Variants in ACTR3 observed in about 807,000 individuals in gnomAD.
ACTR3 encodes actin related protein 3, also known as actin-related protein 3.
ACTR3 carries 12 observed loss-of-function variants against 56.8 expected under a neutral mutation model. The observed-to-expected ratio is 0.21, with a 90% CI of 0.14 to 0.34. The LOEUF (loss-of-function observed/expected upper bound fraction) is 0.34, where lower values mean the gene tolerates loss of function less well. Among genes scored for constraint, ACTR3 ranks in the 10% least tolerant of loss-of-function variants. ACTR3 has a pLI of 1.00. For missense variants in ACTR3, 282 were observed against 512.5 expected (o/e 0.55, Z 4.34); for synonymous variants, 162 against 167.4 (o/e 0.97, Z 0.25).
At chr2:113,946,507 C>A (rs1680023285) in intron 8 of ACTR3, among the ~76,000 whole-genome samples, 1 of 151,932 alleles carries the variant, frequency 6.6e-6, no homozygotes, top group African/African-American at 2.4e-5. Flanking sequence ...ACATATATGT[C>A]TTCTTTTGAA....
intron 8 of ACTR3, among the ~76,000 whole-genome samples, chr2:113,944,767 A>C (rs1248096591): frequency 6.6e-6 from 1 of 152,036 alleles, no homozygotes; most frequent in African/African-American, 2.4e-5. Context: ...ATTTCAAAAA[A>C]AATTGAGGGC....
chr2:113,946,917 GTTTC>G (rs1201226224), intron 8 of ACTR3, among the ~76,000 whole-genome samples: 3 of 152,202 alleles, frequency 2.0e-5, no homozygotes, highest in Non-Finnish European at 2.9e-5. Flanking sequence ...GATTTTAACA[GTTTC>G]TTTTCCAAAC....
At chr2:113,949,720 G>T (rs958122152) in intron 8 of ACTR3, among the ~76,000 whole-genome samples, 3 of 151,970 alleles carry the variant, frequency 2.0e-5, no homozygotes, top group Non-Finnish European at 2.9e-5. Context: ...GTGCCACCAT[G>T]CCTAGCTAGT....
At chr2:113,922,607 T>G (rs1574365177) in intron 3 of ACTR3, among the ~76,000 whole-genome samples, 1 of 144,712 alleles carries the variant, frequency 6.9e-6, no homozygotes. Context: ...CAAGGTTAGG[T>G]CCATTTGAGA....
chr2:113,933,143 CAT>C (rs1679754111), intron 5 of ACTR3, among the ~76,000 whole-genome samples: 1 of 152,108 alleles, frequency 6.6e-6, no homozygotes, highest in African/African-American at 2.4e-5. Context: ...ATAATTAAAT[CAT>C]AGTAGTATTT....
chr2:113,945,528 A>G (rs1680000318), intron 8 of ACTR3, among the ~76,000 whole-genome samples: 1 of 152,222 alleles, frequency 6.6e-6, no homozygotes, highest in Admixed American at 6.5e-5. Flanking sequence ...TGTAATATTT[A>G]TAGTATTATA....
intron 3 of ACTR3, among the ~76,000 whole-genome samples, chr2:113,917,239 T>G (rs1048161602): frequency 6.6e-6 from 1 of 152,188 alleles, no homozygotes; most frequent in African/African-American, 2.4e-5. Context: ...CAGTATTTAT[T>G]TTTCCACACC....
intron 1 of ACTR3, among the ~76,000 whole-genome samples, chr2:113,899,432 G>C (rs1460653123): frequency 1.3e-5 from 2 of 152,158 alleles, no homozygotes; most frequent in Non-Finnish European, 2.9e-5. Context: ...TCTCAGTTCT[G>C]TGCTGAACAC....
intron 3 of ACTR3, among the ~76,000 whole-genome samples, chr2:113,922,686 G>A (rs1679533283): frequency 6.6e-6 from 1 of 152,188 alleles, no homozygotes; most frequent in Non-Finnish European, 1.5e-5. Context: ...TCAGCATTCT[G>A]GATATAGGCA....
intron 1 of ACTR3, among the ~76,000 whole-genome samples, chr2:113,903,879 CAG>C (rs1679146334): frequency 6.7e-6 from 1 of 149,542 alleles, no homozygotes. Flanking sequence ...TTTTTTGAGA[CAG>C]AGTCTTACTC....
chr2:113,955,601 A>G lies in ACTR3; in HGVS notation c.1078-22A>G, dbSNP rs774782350. The stretch of plus-strand genomic sequence containing the variant: ...GTTATTTGAATTTACTATGAAGATG[A>G]TCATACTATGTCTTTCTTTAGCCAA... On this transcript the variant is annotated intron_variant, in intron 10 of 11. Transcript: ENST00000263238. 20 of 1,535,710 alleles carry G rather than the reference A, an allele frequency of 1.3e-5. No individual in the cohort carries two copies. The Admixed American group carries it at 3.4e-4, about 26-fold the overall frequency.
chr2:113,889,972 C>T (rs1175319458), upstream of ACTR3: 2 of 523,564 alleles, frequency 3.8e-6, no homozygotes, highest in Non-Finnish European at 6.7e-6. Context: ...CTTGGCTTCC[C>T]GGGGAAAGGC....
upstream of ACTR3, chr2:113,890,029 G>A: frequency 1.7e-6 from 1 of 586,204 alleles, no homozygotes; most frequent in South Asian, 1.9e-5. Context: ...GTGAGGAGGA[G>A]GGAAGAGAGA....
chr2:113,946,421 G>A (rs1049578952), intron 8 of ACTR3, among the ~76,000 whole-genome samples: 1 of 151,952 alleles, frequency 6.6e-6, no homozygotes, highest in African/African-American at 2.4e-5. Context: ...GTATGAGATG[G>A]TATCTCATTG....
intron 4 of ACTR3, 27 bp downstream of exon 4, chr2:113,927,482 A>C: frequency 6.7e-7 from 1 of 1,494,972 alleles, no homozygotes; most frequent in Non-Finnish European, 9.2e-7. Flanking sequence ...AATTTCACTG[A>C]GGAAATTTTT....
chr2:113,936,376 T>G (rs984222176), intron 6 of ACTR3, among the ~76,000 whole-genome samples: 1 of 152,050 alleles, frequency 6.6e-6, no homozygotes, highest in African/African-American at 2.4e-5. Context: ...CCCGCCTTCT[T>G]TAGAATTAGT....
In ACTR3 at chr2:113,961,929, A is replaced by G. The variant is rs1050817832; in HGVS notation, c.*4474A>G. ...AATTTTTACCTAAGTGTTACATCCAACAACAGATGAAAGTAATTCGACAGT... is the reference window on the plus strand; with the variant it reads ...AATTTTTACCTAAGTGTTACATCCAGCAACAGATGAAAGTAATTCGACAGT... On this transcript the variant is annotated 3_prime_UTR_variant, in exon 12 of 12. Transcript: ENST00000263238. 3 of 152,026 alleles carry G rather than the reference A, an allele frequency of 2.0e-5. No individual in the cohort carries two copies. Among genetic ancestry groups the G allele is most frequent in the African/African-American group, 7.2e-5 (3 of 41,446 alleles). 9.4% of individuals were successfully genotyped at this position (152,026 alleles called of 1,614,324 possible).
chr2:113,942,458 C>A, intron 8 of ACTR3, 99 bp downstream of exon 8: 1 of 755,830 alleles, frequency 1.3e-6, no homozygotes, highest in Non-Finnish European at 1.9e-6. Flanking sequence ...TATTAGTACA[C>A]TAAAAGTTTG....
intron 1 of ACTR3, among the ~76,000 whole-genome samples, chr2:113,896,016 G>C (rs941555664): frequency 1.3e-5 from 2 of 152,052 alleles, no homozygotes; most frequent in Non-Finnish European, 2.9e-5. Flanking sequence ...ATGCCACCAT[G>C]TGTGGCTACT....
Sources: allele counts gnomAD v4.1 joint callset (sites outside exome capture counted in the v4.1 genomes callset), GRCh38; gene constraint gnomAD v4.1.1; transcripts MANE v1.5; gene names NCBI Gene and HGNC (gene_info 2026-07-23, HGNC 2026-07-21).